Variants in SYCP1 observed in about 807,000 individuals in gnomAD.
SYCP1 encodes synaptonemal complex protein 1.
A neutral mutation model predicts 153.1 loss-of-function variants in SYCP1; 64 were observed. The observed-to-expected ratio is 0.42, with a 90% CI of 0.34 to 0.51. The LOEUF (loss-of-function observed/expected upper bound fraction) is 0.51, where lower values mean the gene tolerates loss of function less well. Among genes scored for constraint, SYCP1 ranks in the 20% least tolerant of loss-of-function variants. The pLI, the probability that SYCP1 is intolerant of heterozygous loss-of-function variation, is 0.06. For missense variants in SYCP1, 997 were observed against 1,049.0 expected (o/e 0.95, Z 0.68); for synonymous variants, 384 against 341.8 (o/e 1.12, Z -1.36).
In SYCP1 at chr1:114,979,544, T is replaced by C. The variant is rs569961919; in HGVS notation, c.2383-1792T>C. Among the ~76,000 whole-genome samples the C allele has an allele frequency of 2.3e-4, 35 of 151,858 alleles. No homozygotes were observed. The South Asian group carries it at 7.0e-3, about 31-fold the overall frequency. The stretch of plus-strand genomic sequence containing the variant: ...CTCCTACCTGTAGGGAGGAACAATT[T>C]GTCCATTAAAGCAGTTACATTTTGG... On this transcript the variant is annotated intron_variant, in intron 28 of 31. Transcript: ENST00000369522.
chr1:114,959,083 G>A (rs1376734279), intron 27 of SYCP1, among the ~76,000 whole-genome samples: 1 of 151,980 alleles, frequency 6.6e-6, no homozygotes, highest in Non-Finnish European at 1.5e-5. Flanking sequence ...GAAATTCAGT[G>A]TATCTAGATG....
chr1:114,962,653 G>A (rs1029836298), intron 27 of SYCP1, among the ~76,000 whole-genome samples: 1 of 151,976 alleles, frequency 6.6e-6, no homozygotes, highest in African/African-American at 2.4e-5. Context: ...GAGCATTTAG[G>A]CCATTTACAT....
chr1:114,946,834 G>A (rs1367085051), intron 26 of SYCP1, among the ~76,000 whole-genome samples: 1 of 152,100 alleles, frequency 6.6e-6, no homozygotes, highest in East Asian at 1.9e-4. Flanking sequence ...CCACCTCCCG[G>A]GTTCAAGCAG....
intron 21 of SYCP1, 29 bp downstream of exon 21, chr1:114,923,559 C>G: frequency 6.6e-7 from 1 of 1,524,808 alleles, no homozygotes; most frequent in Non-Finnish European, 8.9e-7. Flanking sequence ...TGGATCGTAT[C>G]ACAAAATTTC....
intron 23 of SYCP1, among the ~76,000 whole-genome samples, chr1:114,927,844 A>T (rs1292996450): frequency 1.3e-5 from 2 of 152,180 alleles, no homozygotes; most frequent in South Asian, 4.1e-4. Flanking sequence ...TTTGAGACAG[A>T]GTCTCACTCT....
chr1:114,873,610 A>G (rs1570673424), intron 8 of SYCP1, among the ~76,000 whole-genome samples: 1 of 152,320 alleles, frequency 6.6e-6, no homozygotes, highest in Admixed American at 6.5e-5. Context: ...AGAACGGGAC[A>G]TATTGGTATA....
At chr1:114,973,643 G>A (rs1028153594) in intron 27 of SYCP1, among the ~76,000 whole-genome samples, 9 of 151,858 alleles carry the variant, frequency 5.9e-5, no homozygotes, top group African/African-American at 2.2e-4. Context: ...GAGATTGTAT[G>A]TTTTTGTTGT....
chr1:114,929,003 C>T (rs546321136), intron 23 of SYCP1, among the ~76,000 whole-genome samples: 3 of 152,126 alleles, frequency 2.0e-5, no homozygotes, highest in African/African-American at 7.2e-5. Context: ...GGTTCATAAA[C>T]AGCCAACTTT....
At chr1:114,857,600 T>G in intron 5 of SYCP1, 103 bp downstream of exon 5, 1 of 923,404 alleles carries the variant, frequency 1.1e-6, no homozygotes, top group East Asian at 2.9e-5. Flanking sequence ...ATTATTTGAT[T>G]AACGTTTTAA....
intron 30 of SYCP1, among the ~76,000 whole-genome samples, chr1:114,990,834 C>A (rs574851525): frequency 6.6e-6 from 1 of 151,994 alleles, no homozygotes; most frequent in East Asian, 1.9e-4. Context: ...AAGAAAAGTT[C>A]TGGACCAGTT....
At chr1:114,911,456 A>C (rs780898791) in intron 17 of SYCP1, 23 bp from the exon 18 acceptor site, 3 of 1,498,254 alleles carry the variant, frequency 2.0e-6, no homozygotes, top group Admixed American at 4.3e-5. Flanking sequence ...CACTTGCCAT[A>C]GTTATATATG....
chr1:114,876,901 T>C (rs1361500251), intron 11 of SYCP1, 91 bp downstream of exon 11: 3 of 608,134 alleles, frequency 4.9e-6, no homozygotes, highest in Middle Eastern at 5.3e-4. Context: ...TTACTGAAAG[T>C]ATGATAAATT....
chr1:114,862,724 G>A (rs1448266533), intron 8 of SYCP1, among the ~76,000 whole-genome samples: 1 of 152,090 alleles, frequency 6.6e-6, no homozygotes, highest in Non-Finnish European at 1.5e-5. Flanking sequence ...TTTCAAGGTG[G>A]TCTCTTTAAT....
At chr1:114,946,422 A>G in intron 26 of SYCP1, 41 bp downstream of exon 26, 2 of 1,285,028 alleles carry the variant, frequency 1.6e-6, no homozygotes, top group South Asian at 1.3e-5. Context: ...CAGTTTTCAT[A>G]ATGTCAGCAG....
At chr1:114,877,720 A>G (rs529183581) in intron 11 of SYCP1, among the ~76,000 whole-genome samples, 35 of 152,252 alleles carry the variant, frequency 2.3e-4, no homozygotes, top group African/African-American at 8.4e-4. Flanking sequence ...GGGTTTCTAA[A>G]TTCTTGCTTG....
rs1426604717 is a variant in SYCP1, at chr1:114,876,142, G to C, written c.727+4G>C. 1 of 1,541,050 alleles carries C rather than the reference G, an allele frequency of 6.5e-7. No individual in the cohort carries two copies. The highest frequency in any genetic ancestry group is 8.8e-7 in the Non-Finnish European group (1 of 1,141,762). ...AGACTGGAAATGCATTTTAAGTGTA[G>C]GTATAGGGATCTTACTTAATTTTTA... On this transcript the variant is annotated splice_donor_region_variant and intron_variant, in intron 10 of 31. Transcript: ENST00000369522.
intron 23 of SYCP1, among the ~76,000 whole-genome samples, chr1:114,942,835 T>C (rs1226641341): frequency 6.6e-6 from 1 of 151,958 alleles, no homozygotes; most frequent in Non-Finnish European, 1.5e-5. Flanking sequence ...TCATATATAC[T>C]AAAATAATTT....
intron 10 of SYCP1, among the ~76,000 whole-genome samples, chr1:114,876,466 A>G (rs563347719): frequency 2.0e-5 from 3 of 151,816 alleles, no homozygotes; most frequent in East Asian, 1.9e-4. Context: ...CATATTTAAA[A>G]CCTGTTGTTT....
At chr1:114,962,147 T>C (rs1671823805) in intron 27 of SYCP1, among the ~76,000 whole-genome samples, 1 of 151,984 alleles carries the variant, frequency 6.6e-6, no homozygotes, top group South Asian at 2.1e-4. Context: ...AACACCCAGC[T>C]AATTTTTGTA....
Sources: gnomAD v4.1 joint callset for allele counts (sites outside exome capture counted in the v4.1 genomes callset) on GRCh38, gnomAD v4.1.1 for gene constraint, MANE v1.5 for transcripts, NCBI Gene and HGNC (gene_info 2026-07-23, HGNC 2026-07-21) for gene names.